The following HS6ST3 variants were observed in gnomAD, a reference collection of about 807,000 sequenced individuals.
The protein encoded by HS6ST3 is heparan-sulfate 6-O-sulfotransferase 3.
In HS6ST3, 12 loss-of-function variants were observed where a neutral mutation model predicts 36.7. The ratio of observed to expected loss-of-function variants is 0.33; its 90% CI spans 0.21 to 0.53. HS6ST3 has a LOEUF of 0.53. HS6ST3 is among the 20% of genes least tolerant of loss of function. HS6ST3 has a pLI of 0.95. For missense variants in HS6ST3, 584 were observed against 640.9 expected (o/e 0.91, Z 0.96); for synonymous variants, 240 against 257.5 (o/e 0.93, Z 0.65).
chr13:96,419,374 G>A (rs2055550947), intron 1 of HS6ST3, among the ~76,000 whole-genome samples: 2 of 152,116 alleles, frequency 1.3e-5, no homozygotes, highest in Admixed American at 6.5e-5. Flanking sequence ...AAGAGAAAAT[G>A]TGACCATTTT....
At chr13:96,159,931 G>T (rs905656797) in intron 1 of HS6ST3, among the ~76,000 whole-genome samples, 5 of 152,084 alleles carry the variant, frequency 3.3e-5, no homozygotes, top group Non-Finnish European at 7.4e-5. Context: ...TCTCTTATTA[G>T]CTGCATGACT....
chr13:96,239,499 T>C lies in HS6ST3; in HGVS notation c.707+147930T>C, dbSNP rs151254431. 1.4e-3 allele frequency among the ~76,000 whole-genome samples: 209 copies of C among 152,350 alleles called. 2 individuals are homozygous for C. Among genetic ancestry groups the C allele is most frequent in the African/African-American group, 4.7e-3 (197 of 41,580 alleles). ...GGTTTAATAAGGCAAACAGTGTTGG[T>C]GAATACAATTCAACTGTATTCTAAG... is the stretch of plus-strand genomic sequence containing the variant. On this transcript the variant is annotated intron_variant, in intron 1 of 1. Transcript: ENST00000376705.
chr13:96,461,241 A>G (rs1005431584), intron 1 of HS6ST3, among the ~76,000 whole-genome samples: 2 of 152,240 alleles, frequency 1.3e-5, no homozygotes, highest in Non-Finnish European at 2.9e-5. Flanking sequence ...GACGTTGGGA[A>G]TGAGAAGATG....
chr13:96,557,952 C>T (rs1284964323), intron 1 of HS6ST3, among the ~76,000 whole-genome samples: 2 of 152,176 alleles, frequency 1.3e-5, no homozygotes, highest in African/African-American at 4.8e-5. Flanking sequence ...ACAATAATAG[C>T]TACCTCACAA....
intron 1 of HS6ST3, among the ~76,000 whole-genome samples, chr13:96,096,221 G>A (rs1431197804): frequency 1.3e-5 from 2 of 152,116 alleles, no homozygotes; most frequent in South Asian, 2.1e-4. Context: ...TGGAAGGTGA[G>A]GGAGGCTTGT....
intron 1 of HS6ST3, among the ~76,000 whole-genome samples, chr13:96,780,774 T>G (rs1877505800): frequency 6.6e-6 from 1 of 152,044 alleles, no homozygotes; most frequent in African/African-American, 2.4e-5. Flanking sequence ...TAGAGTGGAA[T>G]TGAGCTAGTG....
chr13:96,359,459 T>G (rs1004976171), intron 1 of HS6ST3, among the ~76,000 whole-genome samples: 1 of 152,180 alleles, frequency 6.6e-6, no homozygotes, highest in Non-Finnish European at 1.5e-5. Context: ...TAGAAAACCT[T>G]CTTTTCTTTC....
chr13:96,615,528 A>G (rs551635785), intron 1 of HS6ST3, among the ~76,000 whole-genome samples: 2 of 152,322 alleles, frequency 1.3e-5, no homozygotes, highest in South Asian at 4.1e-4. Flanking sequence ...GACCCTGTAT[A>G]TATCACTAGA....
intron 1 of HS6ST3, among the ~76,000 whole-genome samples, chr13:96,181,364 A>G (rs2054239054): frequency 1.3e-5 from 2 of 152,330 alleles, no homozygotes; most frequent in South Asian, 4.1e-4. Context: ...AGTCATTTAC[A>G]TTGACATGTT....
Position 96,828,618 on chromosome 13 carries a change from A to G in HS6ST3, c.708-3872A>G, listed in dbSNP as rs1227200331. ...TCTCCCCAAATCCTTAGTTTATTCA[A>G]CGTTAAGTTAAATAAAAATAAATCA... is the stretch of plus-strand genomic sequence containing the variant. On this transcript the variant is annotated intron_variant, in intron 1 of 1. Transcript: ENST00000376705. Among the ~76,000 whole-genome samples the G allele has an allele frequency of 2.0e-5, 3 of 152,148 alleles. No homozygotes were observed. The East Asian group carries it at 5.8e-4, about 29-fold the overall frequency.
At chr13:96,164,617 G>A (rs2054152448) in intron 1 of HS6ST3, among the ~76,000 whole-genome samples, 1 of 151,714 alleles carries the variant, frequency 6.6e-6, no homozygotes, top group Non-Finnish European at 1.5e-5. Flanking sequence ...GCCTGAGAAA[G>A]TGTCTGCTCC....
At chr13:96,520,595 G>T (rs541156581) in intron 1 of HS6ST3, among the ~76,000 whole-genome samples, 4 of 152,144 alleles carry the variant, frequency 2.6e-5, no homozygotes, top group Non-Finnish European at 4.4e-5. Flanking sequence ...GCATTCCTAG[G>T]TATTTTATTC....
At chr13:96,308,759 A>G (rs888042992) in intron 1 of HS6ST3, among the ~76,000 whole-genome samples, 1 of 152,144 alleles carries the variant, frequency 6.6e-6, no homozygotes, top group African/African-American at 2.4e-5. Context: ...TCAAGCTCAC[A>G]GCTTCATAAA....
chr13:96,103,174 A>G (rs2053825780), intron 1 of HS6ST3, among the ~76,000 whole-genome samples: 1 of 152,162 alleles, frequency 6.6e-6, no homozygotes, highest in Non-Finnish European at 1.5e-5. Flanking sequence ...GAGTTTAGGG[A>G]AAATCTGAGA....
intron 1 of HS6ST3, among the ~76,000 whole-genome samples, chr13:96,317,326 TTATATATATATATATATATATATA>T (rs537839404): frequency 2.1e-5 from 2 of 96,952 alleles, no homozygotes; most frequent in Non-Finnish European, 4.1e-5. Flanking sequence ...TAGTATTCCA[TTATATATATATATATATATATATA>T]TATATATATA....
intron 1 of HS6ST3, among the ~76,000 whole-genome samples, chr13:96,672,113 A>G (rs1438563045): frequency 6.6e-6 from 1 of 152,074 alleles, no homozygotes; most frequent in East Asian, 1.9e-4. Flanking sequence ...AATTTTCATG[A>G]TAAATATTCT....
intron 1 of HS6ST3, among the ~76,000 whole-genome samples, chr13:96,473,639 C>A (rs2055849872): frequency 6.6e-6 from 1 of 152,322 alleles, no homozygotes; most frequent in African/African-American, 2.4e-5. Flanking sequence ...ATATCTGCCC[C>A]TGCTCTTGGC....
At chr13:96,665,542 A>C (rs1422259599) in intron 1 of HS6ST3, among the ~76,000 whole-genome samples, 1 of 152,212 alleles carries the variant, frequency 6.6e-6, no homozygotes, top group Non-Finnish European at 1.5e-5. Flanking sequence ...TTGAAGGATG[A>C]ATAGAGTTTA....
At chr13:96,496,486 G>C (rs1034924573) in intron 1 of HS6ST3, among the ~76,000 whole-genome samples, 4 of 152,080 alleles carry the variant, frequency 2.6e-5, no homozygotes, top group African/African-American at 9.7e-5. Context: ...CTTCCTCTTG[G>C]AAGCCAGCTG....
Sources: gnomAD v4.1 joint callset for allele counts (sites outside exome capture counted in the v4.1 genomes callset) on GRCh38, gnomAD v4.1.1 for gene constraint, MANE v1.5 for transcripts, NCBI Gene and HGNC (gene_info 2026-07-23, HGNC 2026-07-21) for gene names.